Variants in PCDHA3 observed in about 807,000 individuals in gnomAD.
The protein encoded by PCDHA3 is protocadherin alpha-3.
PCDHA3 carries 41 observed loss-of-function variants against 62.2 expected under a neutral mutation model. The ratio of observed to expected loss-of-function variants is 0.66; its 90% CI spans 0.51 to 0.86. The LOEUF (loss-of-function observed/expected upper bound fraction) is 0.86, where lower values mean the gene tolerates loss of function less well. PCDHA3 is among the 40% of genes least tolerant of loss of function. The probability of loss-of-function intolerance (pLI) is 0.00; values close to 1 mark genes in which losing one functional copy is unlikely to be tolerated. For synonymous variants in PCDHA3, 640 were observed against 555.4 expected, an observed-to-expected ratio of 1.15 and a Z score of -2.14; for missense variants, 1,304 against 1,241.2, an observed-to-expected ratio of 1.05 and a Z score of -0.76.
At chr5:140,893,219 G>C (rs1273209081) in intron 1 of PCDHA3, among the ~76,000 whole-genome samples, 1 of 152,194 alleles carries the variant, frequency 6.6e-6, no homozygotes, top group Non-Finnish European at 1.5e-5. Flanking sequence ...GGAGGTGCAG[G>C]TATCACTTTG....
intron 1 of PCDHA3, chr5:140,882,154 A>C (rs2058976763): frequency 1.3e-6 from 2 of 1,505,976 alleles, no homozygotes; most frequent in Non-Finnish European, 1.8e-6. Flanking sequence ...AGAAAGCGGA[A>C]TACCTCTTGC....
rs2150334258 is a variant in PCDHA3 at position 140,842,331 on chromosome 5, T to A, written c.2394+38740T>A. 3.4e-5 allele frequency: 55 copies of A among 1,607,694 alleles called. No individual in the cohort carries two copies. The East Asian group carries it at 1.2e-3, about 35-fold the overall frequency. On this transcript the variant is annotated intron_variant, in intron 1 of 3. Coordinates refer to ENST00000522353, the MANE Select transcript of PCDHA3 (RefSeq NM_018906.3). ...CCCATGGCGGGTCATTGCACCGTTT[T>A]AGTGAGAATTTTGGATAAAAATGAT...
chr5:140,953,648 A>C (rs2094921161), intron 1 of PCDHA3, among the ~76,000 whole-genome samples: 1 of 152,150 alleles, frequency 6.6e-6, no homozygotes, highest in Non-Finnish European at 1.5e-5. Flanking sequence ...CAGGAGCTAT[A>C]GTTGTTATCT....
At position 140,867,369 on chromosome 5, in the gene PCDHA3, G is replaced by A. The variant is rs554108396; in HGVS notation, c.2394+63778G>A. On this transcript the variant is annotated intron_variant, in intron 1 of 3. Coordinates refer to ENST00000522353, the MANE Select transcript of PCDHA3 (RefSeq NM_018906.3). ...CTATGATTGATTATTTTACAGATGC[G>A]TAATGGAATTAACGGTTATAAAAGT... is the stretch of plus-strand genomic sequence containing the variant. 21 of 152,194 alleles carry A rather than the reference G, an allele frequency of 1.4e-4. 1 individual carries two copies. Among genetic ancestry groups the A allele is most frequent in the South Asian group, 1.0e-3 (5 of 4,822 alleles). The allele number at this position is 152,194 out of a possible 1,614,324, so 9.4% of individuals were successfully genotyped here.
At chr5:140,926,693 C>T (rs576013331) in intron 1 of PCDHA3, 12 of 742,944 alleles carry the variant, frequency 1.6e-5, no homozygotes, top group African/African-American at 9.2e-5. Context: ...CTAGCAAGCC[C>T]GGCTCCCAGC....
Position 140,839,560 on chromosome 5 carries a change from T to C in PCDHA3, c.2394+35969T>C, listed in dbSNP as rs1438393943. On this transcript the variant is annotated intron_variant, in intron 1 of 3. Transcript: ENST00000522353. ...ACACACCACCATGCCCAACTAATTT[T>C]TGTATTTTTTGTAGAGATGGGGTCT... Among the ~76,000 whole-genome samples the C allele has an allele frequency of 2.0e-5, 3 of 151,986 alleles. No individual in the cohort carries two copies. In the East Asian group the frequency reaches 5.8e-4, roughly 29 times the overall value.
rs184537292 is a variant in PCDHA3, at chr5:140,970,210, C to T, written c.2395-8739C>T. Among the ~76,000 whole-genome samples, 8 of 152,308 alleles carry T rather than the reference C, an allele frequency of 5.3e-5. No homozygotes were observed. The East Asian group carries it at 1.5e-3, about 29-fold the overall frequency. On this transcript the variant is annotated intron_variant, in intron 1 of 3. Transcript: ENST00000522353. Reference sequence around the variant, plus strand: ...TGTAAGAGGATTTCCCTGAATTTAGCTTAAATGCAGCCTGTAATCTTCTGA... The same window carrying T: ...TGTAAGAGGATTTCCCTGAATTTAGTTTAAATGCAGCCTGTAATCTTCTGA...
At chr5:140,968,278 G>A in intron 1 of PCDHA3, 1 of 1,614,014 alleles carries the variant, frequency 6.2e-7, no homozygotes, top group Non-Finnish European at 8.5e-7. Context: ...ATGCAGAGGT[G>A]ACCTACTCCC....
In PCDHA3 at chr5:140,915,351, C is replaced by G. The variant is rs75854979; in HGVS notation, c.2395-63598C>G. Among the ~76,000 whole-genome samples, 843 of 152,202 alleles carry G rather than the reference C, an allele frequency of 5.5e-3. 10 individuals carry two copies. Among genetic ancestry groups the G allele is most frequent in the African/African-American group, 0.019 (796 of 41,530 alleles). On this transcript the variant is annotated intron_variant, in intron 1 of 3. Coordinates refer to ENST00000522353, the MANE Select transcript of PCDHA3 (RefSeq NM_018906.3). ...TAATATTCTGTGTTTTTCTGTATGC[C>G]TATTCTTACCAGTAAGTGTCTCGGC...
intron 1 of PCDHA3, chr5:140,807,132 T>G: frequency 6.4e-7 from 1 of 1,559,298 alleles, no homozygotes; most frequent in Non-Finnish European, 8.7e-7. Context: ...GATTAAAAGA[T>G]TTCCCTTGAC....
At chr5:140,883,593 C>T (rs2059688395) in intron 1 of PCDHA3, 1 of 1,613,954 alleles carries the variant, frequency 6.2e-7, no homozygotes, top group Non-Finnish European at 8.5e-7. Context: ...GCCAGCGTGT[C>T]GGTGGGGGTG....
chr5:140,882,888 A>G, intron 1 of PCDHA3: 1 of 1,614,190 alleles, frequency 6.2e-7, no homozygotes. Context: ...GAAATTCAGG[A>G]ACATAGTTTA....
Position 140,979,011 on chromosome 5 carries a change from T to C in PCDHA3, c.2453+4T>C. On this transcript the variant is annotated splice_donor_region_variant and intron_variant, in intron 2 of 3. Coordinates refer to ENST00000522353, the MANE Select transcript of PCDHA3 (RefSeq NM_018906.3). ...CCCTGAGAGCAGGCATGCACAGGTA[T>C]GTATTTCCCTCCTCATTCACTCAGA... The C allele has an allele frequency of 6.2e-7, 1 of 1,613,950 alleles. No homozygotes were observed. The highest frequency in any genetic ancestry group is 8.5e-7 in the Non-Finnish European group (1 of 1,179,938).
At chr5:140,813,809 A>G (rs904755063) in intron 1 of PCDHA3, 3 of 152,296 alleles carry the variant, frequency 2.0e-5, no homozygotes, top group Non-Finnish European at 4.4e-5. Context: ...CAGCCTGGGC[A>G]ATATAGTGAG....
At chr5:140,807,551 G>A in intron 1 of PCDHA3, 1 of 1,614,204 alleles carries the variant, frequency 6.2e-7, no homozygotes. Flanking sequence ...TGTGGACGTG[G>A]AGGTGAGGGA....
At chr5:140,855,043 A>G (rs1177113480) in intron 1 of PCDHA3, among the ~76,000 whole-genome samples, 1 of 150,018 alleles carries the variant, frequency 6.7e-6, no homozygotes, top group African/African-American at 2.4e-5. Flanking sequence ...TTTTTCTGTA[A>G]TAGTACTTTT....
intron 3 of PCDHA3, among the ~76,000 whole-genome samples, chr5:140,997,593 G>T (rs2097775607): frequency 6.6e-6 from 1 of 152,072 alleles, no homozygotes. Context: ...ACTGAAACAT[G>T]ATTATGGGGC....
At chr5:140,990,395 G>A (rs916362624) in intron 3 of PCDHA3, among the ~76,000 whole-genome samples, 1 of 152,116 alleles carries the variant, frequency 6.6e-6, no homozygotes, top group Non-Finnish European at 1.5e-5. Flanking sequence ...GTTCCAAGAA[G>A]GTTCACCAGC....
chr5:140,822,104 A>G lies in PCDHA3; in HGVS notation c.2394+18513A>G, dbSNP rs1767195164. 8 of 1,614,140 alleles carry G rather than the reference A, an allele frequency of 5.0e-6. No individual in the cohort carries two copies. In the African/African-American group the frequency reaches 5.3e-5, roughly 11 times the overall value. On this transcript the variant is annotated intron_variant, in intron 1 of 3. Coordinates refer to ENST00000522353, the MANE Select transcript of PCDHA3 (RefSeq NM_018906.3). ...AGCATCCACCTGGAGGTGATCGTGG[A>G]CAGGCCGCTGCAGGTTTTCCATGTG...
Sources: gnomAD v4.1 joint callset for allele counts (sites outside exome capture counted in the v4.1 genomes callset) on GRCh38, gnomAD v4.1.1 for gene constraint, MANE v1.5 for transcripts, NCBI Gene and HGNC (gene_info 2026-07-23, HGNC 2026-07-21) for gene names.